Variants in MAP7D1 observed in about 807,000 individuals in gnomAD.
MAP7D1 encodes MAP7 domain-containing protein 1.
A neutral mutation model predicts 97.5 loss-of-function variants in MAP7D1; 30 were observed. The ratio of observed to expected loss-of-function variants is 0.31; its 90% CI spans 0.23 to 0.42. The LOEUF (loss-of-function observed/expected upper bound fraction) is 0.42. Ranked by LOEUF, MAP7D1 falls within the 10% of genes least tolerant of loss-of-function variation. MAP7D1 has a pLI of 1.00. For missense variants in MAP7D1, 1,184 were observed against 1,179.5 expected (o/e 1.00, Z -0.06); for synonymous variants, 536 against 477.1 (o/e 1.12, Z -1.61).
chr1:36,174,805 C>T (rs112135251), intron 5 of MAP7D1, 93 bp from the exon 6 acceptor site: 1 of 680,098 alleles, frequency 1.5e-6, no homozygotes, highest in Non-Finnish European at 2.6e-6. Flanking sequence ...CCTCTCCCAC[C>T]CCGCCCTCGG....
At chr1:36,165,420 G>A (rs1217977082) in intron 1 of MAP7D1, among the ~76,000 whole-genome samples, 1 of 151,066 alleles carries the variant, frequency 6.6e-6, no homozygotes, top group African/African-American at 2.4e-5. Flanking sequence ...ACCTTGCCTG[G>A]CCTTTATTTA....
In MAP7D1 at chr1:36,176,609, C is replaced by G; in HGVS notation, c.1233+28C>G. 1 of 1,544,388 alleles carries G rather than the reference C, an allele frequency of 6.5e-7. No individual in the cohort carries two copies. The highest frequency in any genetic ancestry group is 8.7e-7 in the Non-Finnish European group (1 of 1,143,586). ...GAGTGGCTCTACTGGCTCGAGTGGC[C>G]GCGCAGGTGGGGACAGGCAGCCTGG... On this transcript the variant is annotated intron_variant, in intron 7 of 16. Transcript: ENST00000474796. This position sits in a 1 kb window ranked among gnomAD's most constrained non-coding sequence, Gnocchi z 6.1.
At position 36,176,179 on chromosome 1, in the gene MAP7D1, G is replaced by T. The variant is rs766898900; in HGVS notation, c.851-20G>T. 2.1e-5 allele frequency: 34 copies of T among 1,602,574 alleles called. No homozygotes were observed. The highest frequency in any genetic ancestry group is 2.3e-4 in the Middle Eastern group (1 of 4,428). Reference sequence around the variant, plus strand: ...TACGGCCCCCACGGTGACCGGCTTCGCCTGGCCTTCTACCCCCAGATCGCA... The same window carrying T: ...TACGGCCCCCACGGTGACCGGCTTCTCCTGGCCTTCTACCCCCAGATCGCA... On this transcript the variant is annotated intron_variant, in intron 6 of 16. Coordinates refer to ENST00000474796, the MANE Select transcript of MAP7D1 (RefSeq NM_001388490.1). This position sits in a 1 kb window ranked among gnomAD's most constrained non-coding sequence, Gnocchi z 6.1.
intron 1 of MAP7D1, among the ~76,000 whole-genome samples, chr1:36,157,574 C>T (rs528503660): frequency 2.0e-4 from 31 of 152,290 alleles, no homozygotes; most frequent in African/African-American, 7.5e-4. Flanking sequence ...GAGGGAAGAA[C>T]ATGATTATTG....
rs1482576927 is a variant in MAP7D1, at chr1:36,177,930, C to T, written c.1437C>T (p.Ser479=). The T allele has an allele frequency of 1.3e-6, 2 of 1,575,270 alleles. No individual in the cohort carries two copies. The highest frequency in any genetic ancestry group is 2.2e-5 in the East Asian group (1 of 44,462). The change falls in exon 9 of 17, where the codon TCC becomes TCT. Residue 479 remains serine, a synonymous_variant. Coordinates refer to ENST00000474796, the MANE Select transcript of MAP7D1 (RefSeq NM_001388490.1). ...SPSTSWHRPA[S]PCPSPGPGHT... ...CCACATCCTGGCACAGGCCTGCCTC[C>T]CCCTGCCCCAGCCCAGGGCCAGGCC...
In MAP7D1 at chr1:36,176,631, C is replaced by A; in HGVS notation, c.1233+50C>A. On this transcript the variant is annotated intron_variant, in intron 7 of 16. Transcript: ENST00000474796. This position sits in a 1 kb window ranked among gnomAD's most constrained non-coding sequence, Gnocchi z 6.1. The stretch of plus-strand genomic sequence containing the variant: ...GGCCGCGCAGGTGGGGACAGGCAGC[C>A]TGGAACTGGGGTACGCGGGCGCTGC... 6.3e-7 allele frequency: 1 copy of A among 1,575,858 alleles called. No individual in the cohort carries two copies. Among genetic ancestry groups the A allele is most frequent in the South Asian group, 1.2e-5 (1 of 86,848 alleles).
intron 1 of MAP7D1, among the ~76,000 whole-genome samples, chr1:36,161,241 G>T (rs543463701): frequency 6.6e-6 from 1 of 152,342 alleles, no homozygotes; most frequent in African/African-American, 2.4e-5. Context: ...ACTCCCTCTC[G>T]GAGCCGGCTT....
rs1644700563 is a variant in MAP7D1 at position 36,180,389 on chromosome 1, T to G, written c.*131T>G. The G allele has an allele frequency of 5.6e-6, 7 of 1,254,702 alleles. No homozygotes were observed. Among genetic ancestry groups the G allele is most frequent in the Non-Finnish European group, 8.2e-6 (7 of 856,608 alleles). The allele number at this position is 1,254,702 out of a possible 1,614,324, so 77.7% of individuals were successfully genotyped here. ...CCCTGGGGGTGGGTCCTCTCTGTTG[T>G]TTTTAATCTGCACCTTATAGACTGA... is the stretch of plus-strand genomic sequence containing the variant. On this transcript the variant is annotated 3_prime_UTR_variant, in exon 17 of 17. Transcript: ENST00000474796.
chr1:36,176,221 A>G lies in MAP7D1; in HGVS notation c.873A>G (p.Ala291=). The change falls in exon 7 of 17, where the codon GCA becomes GCG. Residue 291 remains alanine (A), a synonymous_variant. Coordinates refer to ENST00000474796, the MANE Select transcript of MAP7D1 (RefSeq NM_001388490.1). The surrounding 1 kb of genome is among the most constrained non-coding windows in gnomAD (Gnocchi z 6.1). ...CAGATCGCAGCCTGCAGCTGAGCGC[A>G]TGGGAGAGCAGCATCGTGGATCGTC... ...PSRNRSLQLS[A]WESSIVDRLM... 1 of 1,608,068 alleles carries G rather than the reference A, an allele frequency of 6.2e-7. No individual in the cohort carries two copies. The highest frequency in any genetic ancestry group is 8.5e-7 in the Non-Finnish European group (1 of 1,179,286).
intron 1 of MAP7D1, among the ~76,000 whole-genome samples, chr1:36,156,789 C>G (rs974399239): frequency 2.0e-5 from 3 of 152,268 alleles, no homozygotes; most frequent in Admixed American, 6.5e-5. Context: ...CCGATTCACC[C>G]CGGGCCTTGA....
chr1:36,177,226 A>G (rs1436544000), intron 8 of MAP7D1, among the ~76,000 whole-genome samples: 1 of 151,992 alleles, frequency 6.6e-6, no homozygotes, highest in Admixed American at 6.6e-5. Context: ...CTGGGATTAC[A>G]TGTGTGAGTG....
chr1:36,160,391 G>A (rs1251288081), intron 1 of MAP7D1, among the ~76,000 whole-genome samples: 1 of 152,202 alleles, frequency 6.6e-6, no homozygotes, highest in Non-Finnish European at 1.5e-5. Flanking sequence ...ATGTGAGCCA[G>A]GTAGAGACTC....
Position 36,178,170 on chromosome 1 carries a change from G to A in MAP7D1, c.1677G>A (p.Gln559=), listed in dbSNP as rs776667787. ...CCTCGCCCACCCCAGCCCCGCCCCA[G>A]AAGGAGCAGCCCCCCGCGGAGACCC... ...PAPSPTPAPP[Q]KEQPPAETPT... is the part of the protein sequence containing the mutation. Residue 559 remains glutamine, a synonymous_variant, in exon 9 of 17, where the codon CAG becomes CAA. Transcript: ENST00000474796. 5.8e-6 allele frequency: 9 copies of A among 1,540,268 alleles called. No homozygotes were observed. The highest frequency in any genetic ancestry group is 7.9e-6 in the Non-Finnish European group (9 of 1,139,684).
At chr1:36,174,775 T>A (rs543750946) in intron 5 of MAP7D1, 123 bp from the exon 6 acceptor site, 2 of 240,614 alleles carry the variant, frequency 8.3e-6, no homozygotes, top group African/African-American at 6.4e-5. Flanking sequence ...CTGCTCCTCA[T>A]CCTAGCCTGC....
rs756335760 is a variant in MAP7D1 at position 36,178,813 on chromosome 1, T to G, written c.2015T>G (p.Leu672Arg). The G allele has an allele frequency of 6.5e-7, 1 of 1,544,284 alleles. No homozygotes were observed. Among genetic ancestry groups the G allele is most frequent in the Non-Finnish European group, 8.7e-7 (1 of 1,145,110 alleles). The change falls in exon 11 of 17, where the codon CTG (leucine) becomes CGG (arginine). Residue 672 changes from leucine (L) to arginine (R), a missense_variant. Physicochemically the swap from Leu to Arg is moderately radical, Grantham distance 102. Transcript: ENST00000474796. ...GCCGAGCAGGAGGAGCAGGAGCGGC[T>G]GCAGAAGCAGGTGCCCCCGGCGGGC... is the stretch of plus-strand genomic sequence containing the variant. ...AQAEQEEQERLQKQKEEAEAR... is the reference protein window; with the variant it reads ...AQAEQEEQERRQKQKEEAEAR...
chr1:36,165,947 C>T (rs1331114544), intron 1 of MAP7D1, among the ~76,000 whole-genome samples: 1 of 152,084 alleles, frequency 6.6e-6, no homozygotes, highest in Non-Finnish European at 1.5e-5. Context: ...CCAGGCTGGT[C>T]TCGAACTCCT....
Position 36,159,289 on chromosome 1 carries a change from C to T in MAP7D1, c.46+2826C>T, listed in dbSNP as rs1425726745. Reference sequence around the variant, plus strand: ...GCCGGGCTGGTCTCGAACTCCTGACCTCGTGATCTTCCCACCTTGGCCTCC... The same window carrying T: ...GCCGGGCTGGTCTCGAACTCCTGACTTCGTGATCTTCCCACCTTGGCCTCC... On this transcript the variant is annotated intron_variant, in intron 1 of 16. Transcript: ENST00000474796. This position sits in a 1 kb window ranked among gnomAD's most constrained non-coding sequence, Gnocchi z 5.4. Among the ~76,000 whole-genome samples, 1 of 152,200 alleles carries T rather than the reference C, an allele frequency of 6.6e-6. No homozygotes were observed. The highest frequency in any genetic ancestry group is 1.5e-5 in the Non-Finnish European group (1 of 68,042).
intron 1 of MAP7D1, among the ~76,000 whole-genome samples, chr1:36,164,558 G>A (rs143435332): frequency 8.8e-4 from 134 of 152,358 alleles, no homozygotes; most frequent in Non-Finnish European, 1.6e-3. Flanking sequence ...GCAGGAGGGA[G>A]TGTGGATGGT....
In MAP7D1 at chr1:36,176,895, C is replaced by A. The variant is rs1297060417; in HGVS notation, c.1379+53C>A. On this transcript the variant is annotated intron_variant, in intron 8 of 16. Transcript: ENST00000474796. This position sits in a 1 kb window ranked among gnomAD's most constrained non-coding sequence, Gnocchi z 6.1. Reference sequence around the variant, plus strand: ...GCCCCTCACCGGGTCATTTATTCATCACCCACAAATATTTGTTGGGCAACC... The same window carrying A: ...GCCCCTCACCGGGTCATTTATTCATAACCCACAAATATTTGTTGGGCAACC... The A allele has an allele frequency of 1.3e-5, 19 of 1,451,118 alleles. No individual in the cohort carries two copies. The highest frequency in any genetic ancestry group is 1.7e-5 in the Non-Finnish European group (18 of 1,063,342). The allele number at this position is 1,451,118 out of a possible 1,614,324, so 89.9% of individuals were successfully genotyped here.
Sources: allele counts gnomAD v4.1 joint callset (sites outside exome capture counted in the v4.1 genomes callset), GRCh38; gene constraint gnomAD v4.1.1; non-coding constraint Gnocchi (gnomAD v3.1); transcripts MANE v1.5; gene names NCBI Gene and HGNC (gene_info 2026-07-23, HGNC 2026-07-21).